CFAP91: variants seen among roughly 807,000 people sequenced by gnomAD.
CFAP91 encodes the protein cilia and flagella associated protein 91.
A neutral mutation model predicts 95.9 loss-of-function variants in CFAP91; 85 were observed. The ratio of observed to expected loss-of-function variants is 0.89; its 90% CI spans 0.74 to 1.06. The LOEUF (loss-of-function observed/expected upper bound fraction) is 1.06, where lower values mean the gene tolerates loss of function less well. CFAP91 is among the 50% of genes least tolerant of loss of function. The probability of loss-of-function intolerance (pLI) is 0.00; values close to 1 mark genes in which losing one functional copy is unlikely to be tolerated. For synonymous variants in CFAP91, 335 were observed against 327.5 expected (o/e 1.02, Z -0.25); for missense variants, 962 against 943.4 (o/e 1.02, Z -0.26).
At chr3:119,764,365 C>T (rs1357974120) in intron 17 of CFAP91, among the ~76,000 whole-genome samples, 1 of 152,070 alleles carries the variant, frequency 6.6e-6, no homozygotes, top group East Asian at 1.9e-4. Context: ...ATTAGGCTAA[C>T]ATACTGTTAT....
chr3:119,730,113 A>G, intron 7 of CFAP91, 107 bp from the exon 8 acceptor site: 3 of 1,211,012 alleles, frequency 2.5e-6, no homozygotes, highest in South Asian at 1.5e-5. Context: ...TTGGCAATAC[A>G]TGAATATGAT....
At chr3:119,760,583 A>G (rs1444035227) in intron 17 of CFAP91, among the ~76,000 whole-genome samples, 1 of 151,894 alleles carries the variant, frequency 6.6e-6, no homozygotes, top group East Asian at 1.9e-4. Context: ...AGCAGAATAC[A>G]CATTCTTCTC....
chr3:119,761,015 T>G (rs1015623147), intron 17 of CFAP91, among the ~76,000 whole-genome samples: 2 of 151,142 alleles, frequency 1.3e-5, no homozygotes, highest in Admixed American at 6.6e-5. Context: ...AGGAAAGAAA[T>G]AATAAAGATT....
intron 17 of CFAP91, among the ~76,000 whole-genome samples, chr3:119,761,797 CA>C (rs1006964259): frequency 6.6e-5 from 10 of 151,122 alleles, no homozygotes; most frequent in Admixed American, 4.0e-4. Context: ...TCTTTCATGA[CA>C]AAAAAAACTC....
intron 13 of CFAP91, 137 bp downstream of exon 13, chr3:119,740,832 CA>C: frequency 1.4e-6 from 1 of 729,498 alleles, no homozygotes; most frequent in Non-Finnish European, 2.1e-6. Context: ...ACTCTGTCAG[CA>C]TTTGTGTGTG....
intron 12 of CFAP91, 90 bp downstream of exon 12, chr3:119,739,416 C>A: frequency 8.9e-7 from 1 of 1,124,282 alleles, no homozygotes; most frequent in East Asian, 2.4e-5. Context: ...GAGTGAATCC[C>A]TTTTGCACCC....
chr3:119,722,450 C>G (rs1247562766), intron 6 of CFAP91, among the ~76,000 whole-genome samples: 3 of 151,866 alleles, frequency 2.0e-5, no homozygotes, highest in Admixed American at 1.3e-4. Context: ...CAGAGCAAGA[C>G]TCTGCCAAAA....
Position 119,748,649 on chromosome 3 carries a change from A to G in CFAP91, c.2143+747A>G, listed in dbSNP as rs114702857. ...AATGCTTAACATTTCAATTTGCTCA[A>G]TCAGGGATAAAGAAATGGTGGAGTT... On this transcript the variant is annotated intron_variant, in intron 16 of 17. Coordinates refer to ENST00000273390, the MANE Select transcript of CFAP91 (RefSeq NM_033364.4). 7.4e-3 allele frequency among the ~76,000 whole-genome samples: 1,120 copies of G among 152,336 alleles called. 7 individuals carry two copies. The highest frequency in any genetic ancestry group is 0.037 in the Middle Eastern group (11 of 294).
rs2054175441 is a variant in CFAP91, at chr3:119,744,097, G to A, written c.1803G>A (p.Met601Ile). The change falls in exon 14 of 18, where the codon ATG becomes ATA. Residue 601 changes from methionine to isoleucine, a missense_variant. Coordinates refer to ENST00000273390, the MANE Select transcript of CFAP91 (RefSeq NM_033364.4). ...QEERRIHAFV[M>I]LAERQRRVRE... ...AGAGGAGGATCCATGCCTTTGTCAT[G>A]CTGGCTGAGCGCCAGCGGCGGGTAC... The A allele has an allele frequency of 1.9e-6, 3 of 1,614,122 alleles. No individual in the cohort carries two copies. The highest frequency in any genetic ancestry group is 1.3e-5 in the African/African-American group (1 of 74,956).
At chr3:119,722,032 G>A (rs2053694511) in intron 6 of CFAP91, among the ~76,000 whole-genome samples, 1 of 151,988 alleles carries the variant, frequency 6.6e-6, no homozygotes, top group South Asian at 2.1e-4. Flanking sequence ...AATTAGCCAA[G>A]TGTGGTGGTG....
Position 119,733,388 on chromosome 3 carries a change from T to G in CFAP91, c.1226T>G (p.Leu409Arg). Residue 409 changes from leucine (L) to arginine (R), a missense_variant, in exon 10 of 18, where the codon CTC becomes CGC. Coordinates refer to ENST00000273390, the MANE Select transcript of CFAP91 (RefSeq NM_033364.4). ...YEGLVELESC[L>R]PDFVTQPQIR... ...GGATTAGTGGAACTTGAGTCATGTC[T>G]CCCAGATTTTGTGACACAACCCCAA... 1 of 1,614,052 alleles carries G rather than the reference T, an allele frequency of 6.2e-7. No homozygotes were observed. The highest frequency in any genetic ancestry group is 1.3e-5 in the African/African-American group (1 of 75,046).
At chr3:119,716,460 T>G (rs1305582470) in intron 6 of CFAP91, among the ~76,000 whole-genome samples, 2 of 152,128 alleles carry the variant, frequency 1.3e-5, no homozygotes, top group Admixed American at 6.5e-5. Context: ...GAGATTACTT[T>G]CCCCCGCATT....
Position 119,766,692 on chromosome 3 carries a change from T to A in CFAP91, c.*1642T>A, listed in dbSNP as rs747092951. 4 of 152,178 alleles carry A rather than the reference T, an allele frequency of 2.6e-5. No homozygotes were observed. The highest frequency in any genetic ancestry group is 4.4e-5 in the Non-Finnish European group (3 of 68,038). The allele number at this position is 152,178 out of a possible 1,614,324, so 9.4% of individuals were successfully genotyped here. A position where few individuals can be genotyped will look rare whatever the true frequency, so the allele number is the denominator to read the frequency against. On this transcript the variant is annotated 3_prime_UTR_variant, in exon 18 of 18. Transcript: ENST00000273390. The stretch of plus-strand genomic sequence containing the variant: ...GCCATCATAACTGCATACTCAACTC[T>A]GCCGTTGTAGGGTAAGAGCAGCACT...
chr3:119,703,325 C>A, intron 1 of CFAP91, 103 bp downstream of exon 1: 1 of 1,520,930 alleles, frequency 6.6e-7, no homozygotes, highest in Non-Finnish European at 8.9e-7. Context: ...GAAACACGAC[C>A]CTCTGGACTG....
chr3:119,717,250 G>A (rs1034485052), intron 6 of CFAP91, among the ~76,000 whole-genome samples: 7 of 152,206 alleles, frequency 4.6e-5, no homozygotes, highest in Admixed American at 3.9e-4. Context: ...AGGCATTCCT[G>A]CCTGTGGCCT....
At position 119,749,875 on chromosome 3, in the gene CFAP91, G is replaced by A. The variant is rs1451394839; in HGVS notation, c.2144-1062G>A. Among the ~76,000 whole-genome samples, 13 of 152,276 alleles carry A rather than the reference G, an allele frequency of 8.5e-5. No individual in the cohort carries two copies. In the East Asian group the frequency reaches 1.3e-3, roughly 16 times the overall value. On this transcript the variant is annotated intron_variant, in intron 16 of 17. Coordinates refer to ENST00000273390, the MANE Select transcript of CFAP91 (RefSeq NM_033364.4). ...AAAGATACCTGTATATAGATATAAAGTAATAGTAACTGCCAAATTTTAAAT... is the reference window on the plus strand; with the variant it reads ...AAAGATACCTGTATATAGATATAAAATAATAGTAACTGCCAAATTTTAAAT...
At chr3:119,717,833 A>T (rs1398295196) in intron 6 of CFAP91, among the ~76,000 whole-genome samples, 1 of 152,170 alleles carries the variant, frequency 6.6e-6, no homozygotes, top group Non-Finnish European at 1.5e-5. Context: ...AAACAGCAGC[A>T]TATAGTATGC....
intron 11 of CFAP91, among the ~76,000 whole-genome samples, chr3:119,738,208 G>A (rs1469224681): frequency 1.3e-5 from 2 of 151,948 alleles, no homozygotes; most frequent in African/African-American, 4.8e-5. Flanking sequence ...GCTAACACCT[G>A]TTACTACCTC....
intron 10 of CFAP91, among the ~76,000 whole-genome samples, chr3:119,735,429 A>C (rs982729050): frequency 6.6e-6 from 1 of 152,124 alleles, no homozygotes. Context: ...ATTAGTTTTG[A>C]TATGTAGTAT....
Sources: gnomAD v4.1 joint callset for allele counts (sites outside exome capture counted in the v4.1 genomes callset) on GRCh38, gnomAD v4.1.1 for gene constraint, MANE v1.5 for transcripts, NCBI Gene and HGNC (gene_info 2026-07-23, HGNC 2026-07-21) for gene names.